TMEM132C: variants seen among roughly 807,000 people sequenced by gnomAD.
The protein encoded by TMEM132C is transmembrane protein 132C, also known as protein phosphatase 1, regulatory subunit 152.
TMEM132C carries 29 observed loss-of-function variants against 61.4 expected under a neutral mutation model. That is an observed-to-expected ratio of 0.47 (90% CI 0.35 to 0.64). TMEM132C has a LOEUF of 0.64. Among genes scored for constraint, TMEM132C ranks in the 30% least tolerant of loss-of-function variants. TMEM132C has a pLI of 0.00. For missense variants in TMEM132C, 1,408 were observed against 1,476.9 expected (o/e 0.95, Z 0.76); for synonymous variants, 656 against 633.1 (o/e 1.04, Z -0.54).
intron 1 of TMEM132C, among the ~76,000 whole-genome samples, chr12:128,272,241 G>T (rs1488867642): frequency 6.6e-6 from 1 of 151,938 alleles, no homozygotes; most frequent in Non-Finnish European, 1.5e-5. Flanking sequence ...TGTCTCTAGA[G>T]TTTTACCTTT....
At chr12:128,330,183 C>A (rs140709586) in intron 1 of TMEM132C, among the ~76,000 whole-genome samples, 1 of 152,130 alleles carries the variant, frequency 6.6e-6, no homozygotes, top group Non-Finnish European at 1.5e-5. Flanking sequence ...CAAGTACACA[C>A]CTATGCACGT....
chr12:128,388,311 G>T (rs926699616), intron 1 of TMEM132C, among the ~76,000 whole-genome samples: 1 of 152,256 alleles, frequency 6.6e-6, no homozygotes, highest in Non-Finnish European at 1.5e-5. Context: ...GCCGATGGCT[G>T]CCAGGCAGCG....
intron 1 of TMEM132C, among the ~76,000 whole-genome samples, chr12:128,320,148 A>G (rs1197569042): frequency 6.6e-6 from 1 of 152,176 alleles, no homozygotes; most frequent in Non-Finnish European, 1.5e-5. Context: ...TTTTCTAAGT[A>G]TATTTTTCTC....
intron 2 of TMEM132C, among the ~76,000 whole-genome samples, chr12:128,443,258 G>A (rs1435632925): frequency 6.6e-6 from 1 of 152,014 alleles, no homozygotes; most frequent in Non-Finnish European, 1.5e-5. Flanking sequence ...TGGACATTGG[G>A]GACTTGGAGG....
At chr12:128,515,798 G>A (rs1872698904) in intron 2 of TMEM132C, among the ~76,000 whole-genome samples, 1 of 151,602 alleles carries the variant, frequency 6.6e-6, no homozygotes, top group South Asian at 2.1e-4. Flanking sequence ...TGGTGCCACT[G>A]CACTCCAGCG....
intron 2 of TMEM132C, chr12:128,437,934 A>G (rs1269719699): frequency 6.6e-6 from 1 of 152,186 alleles, no homozygotes; most frequent in Non-Finnish European, 1.5e-5. Context: ...AGAGCAATAC[A>G]TTGACATTGT....
chr12:128,640,653 T>C (rs1954150711), intron 4 of TMEM132C, among the ~76,000 whole-genome samples: 1 of 152,214 alleles, frequency 6.6e-6, no homozygotes, highest in Non-Finnish European at 1.5e-5. Flanking sequence ...CCCAACACTT[T>C]GGGAGGCGGA....
chr12:128,534,204 A>G (rs1428933260), intron 2 of TMEM132C, among the ~76,000 whole-genome samples: 1 of 152,152 alleles, frequency 6.6e-6, no homozygotes, highest in Non-Finnish European at 1.5e-5. Flanking sequence ...GAGGGAAAAT[A>G]TTTTTTGTTT....
chr12:128,692,550 A>G (rs1455208915), intron 5 of TMEM132C, among the ~76,000 whole-genome samples: 1 of 152,222 alleles, frequency 6.6e-6, no homozygotes, highest in African/African-American at 2.4e-5. Context: ...GAAACAGAAT[A>G]CCAGTCTAAT....
intron 1 of TMEM132C, among the ~76,000 whole-genome samples, chr12:128,353,539 T>G (rs1331769262): frequency 6.6e-6 from 1 of 152,218 alleles, no homozygotes; most frequent in East Asian, 1.9e-4. Context: ...AAAGGAGGAC[T>G]CAGAAGAGCC....
Position 128,606,541 on chromosome 12 carries a change from T to C in TMEM132C, c.1122-9611T>C, listed in dbSNP as rs1284060104. Among the ~76,000 whole-genome samples the C allele has an allele frequency of 2.6e-5, 4 of 152,230 alleles. No homozygotes were observed. The East Asian group carries it at 7.7e-4, about 29-fold the overall frequency. ...CCCATTTTTAAAAAATCCAAACTTCTGTTTTATTCTTGGAAAACAGACCTT... is the reference window on the plus strand; with the variant it reads ...CCCATTTTTAAAAAATCCAAACTTCCGTTTTATTCTTGGAAAACAGACCTT... On this transcript the variant is annotated intron_variant, in intron 3 of 8. Transcript: ENST00000435159.
chr12:128,524,886 C>T (rs967959803), intron 2 of TMEM132C, among the ~76,000 whole-genome samples: 1 of 152,212 alleles, frequency 6.6e-6, no homozygotes, highest in South Asian at 2.1e-4. Context: ...CTTATCCCTG[C>T]TTTGCCCAGG....
At chr12:128,330,061 A>G (rs1331681716) in intron 1 of TMEM132C, among the ~76,000 whole-genome samples, 26 of 152,168 alleles carry the variant, frequency 1.7e-4, no homozygotes, top group Admixed American at 1.7e-3. Context: ...TCTGCACAAT[A>G]CCAAATCCCG....
chr12:128,479,052 A>G (rs1871242758), intron 2 of TMEM132C, among the ~76,000 whole-genome samples: 1 of 152,226 alleles, frequency 6.6e-6, no homozygotes, highest in South Asian at 2.1e-4. Flanking sequence ...GAACAACATC[A>G]TGTCCTTTGC....
intron 8 of TMEM132C, among the ~76,000 whole-genome samples, chr12:128,704,811 G>A (rs529960437): frequency 1.1e-3 from 173 of 152,294 alleles, no homozygotes; most frequent in Middle Eastern, 3.4e-3. Flanking sequence ...AAAGCCACCC[G>A]GAGCCTCATC....
intron 2 of TMEM132C, among the ~76,000 whole-genome samples, chr12:128,480,742 C>A (rs966293525): frequency 1.3e-5 from 2 of 152,180 alleles, no homozygotes; most frequent in African/African-American, 4.8e-5. Flanking sequence ...TGAACAGCCT[C>A]CCCCTGGGCC....
chr12:128,706,056 G>T lies in TMEM132C; in HGVS notation c.3088G>T (p.Asp1030Tyr), dbSNP rs373406957. 2 of 1,551,666 alleles carry T rather than the reference G, an allele frequency of 1.3e-6. No homozygotes were observed. The highest frequency in any genetic ancestry group is 1.7e-6 in the Non-Finnish European group (2 of 1,146,990). The change falls in exon 9 of 9, where the codon GAC becomes TAC. Residue 1030 changes from aspartate (D) to tyrosine (Y), a missense_variant. Coordinates refer to ENST00000435159, the MANE Select transcript of TMEM132C (RefSeq NM_001136103.3). ...HVQSQIHRSADSGGRQGREQK... is the reference protein window; with the variant it reads ...HVQSQIHRSAYSGGRQGREQK... ...GCAGAGCCAGATTCACAGGTCAGCC[G>T]ACTCCGGGGGGCGGCAGGGCAGAGA... is the stretch of plus-strand genomic sequence containing the variant.
intron 2 of TMEM132C, among the ~76,000 whole-genome samples, chr12:128,500,343 A>T (rs1047390342): frequency 1.3e-5 from 2 of 152,192 alleles, no homozygotes; most frequent in African/African-American, 4.8e-5. Context: ...AAATAGATCA[A>T]CCAGATTTCA....
rs530339667 is a variant in TMEM132C, at chr12:128,354,145, A to G, written c.86-60587A>G. On this transcript the variant is annotated intron_variant, in intron 1 of 8. Transcript: ENST00000435159. ...AGTTAGATTGGGCCAAATAAATTGC[A>G]TTTATTTGGCTCAGAAAGAGACAGA... Among the ~76,000 whole-genome samples, 101 of 152,106 alleles carry G rather than the reference A, an allele frequency of 6.6e-4. 1 individual carries two copies. The highest frequency in any genetic ancestry group is 3.4e-3 in the Middle Eastern group (1 of 292).
Sources: allele counts gnomAD v4.1 joint callset (sites outside exome capture counted in the v4.1 genomes callset), GRCh38; gene constraint gnomAD v4.1.1; transcripts MANE v1.5; gene names NCBI Gene and HGNC (gene_info 2026-07-23, HGNC 2026-07-21).